The following WIF1 variants were observed in gnomAD, a reference collection of about 807,000 sequenced individuals.
WIF1 encodes the protein Wnt inhibitory factor 1.
Under a neutral mutation model 53.5 loss-of-function variants are expected in WIF1, and 35 were observed. That is an observed-to-expected ratio of 0.65 (90% confidence interval 0.50 to 0.87). The LOEUF is 0.87. Ranked by LOEUF, WIF1 falls within the 40% of genes least tolerant of loss-of-function variation. The pLI is 0.00. For missense variants in WIF1, 467 were observed against 476.8 expected (o/e 0.98, Z 0.19); for synonymous variants, 171 against 170.4 (o/e 1.00, Z -0.03).
intron 3 of WIF1, among the ~76,000 whole-genome samples, chr12:65,069,961 T>A (rs1382553562): frequency 1.3e-5 from 2 of 152,200 alleles, no homozygotes; most frequent in African/African-American, 4.8e-5. Context: ...TACATGTGAT[T>A]TTTTGCTTCA....
intron 7 of WIF1, among the ~76,000 whole-genome samples, chr12:65,059,482 T>A (rs1423769546): frequency 1.3e-5 from 2 of 152,162 alleles, no homozygotes; most frequent in African/African-American, 4.8e-5. Flanking sequence ...ATAATTTGGG[T>A]AGTCTTTTTA....
intron 3 of WIF1, among the ~76,000 whole-genome samples, chr12:65,077,339 C>T (rs970214872): frequency 6.8e-6 from 1 of 146,770 alleles, no homozygotes; most frequent in African/African-American, 2.5e-5. Context: ...TAATACAATG[C>T]TAACTTTTGG....
At chr12:65,065,516 A>C (rs1431194787) in intron 6 of WIF1, among the ~76,000 whole-genome samples, 2 of 152,170 alleles carry the variant, frequency 1.3e-5, no homozygotes, top group Non-Finnish European at 2.9e-5. Flanking sequence ...ATAAAAGAGT[A>C]AACAACCTTA....
At position 65,072,454 on chromosome 12, in the gene WIF1, T is replaced by C. The variant is rs1882798856; in HGVS notation, c.398-3550A>G. Among the ~76,000 whole-genome samples the C allele has an allele frequency of 2.6e-5, 4 of 152,356 alleles. No homozygotes were observed. The South Asian group carries it at 8.3e-4, about 32-fold the overall frequency. On this transcript the variant is annotated intron_variant, in intron 3 of 9. Coordinates refer to ENST00000286574, the MANE Select transcript of WIF1 (RefSeq NM_007191.5). ...TATGGTTTGCATCCTTTGTTAAGGA[T>C]GAGAATTCTCAAAGGCAAGAACTAT...
At chr12:65,099,117 T>C (rs1883244373) in intron 2 of WIF1, among the ~76,000 whole-genome samples, 3 of 152,176 alleles carry the variant, frequency 2.0e-5, no homozygotes, top group African/African-American at 7.2e-5. Context: ...CCCAGCATAA[T>C]TGTTCTGTGC....
At chr12:65,095,502 G>A (rs547230955) in intron 2 of WIF1, among the ~76,000 whole-genome samples, 40 of 152,220 alleles carry the variant, frequency 2.6e-4, no homozygotes, top group African/African-American at 9.1e-4. Flanking sequence ...CCTAGAGGCA[G>A]ATATGATAAC....
chr12:65,112,017 T>C (rs1883439073), intron 2 of WIF1, among the ~76,000 whole-genome samples: 1 of 152,230 alleles, frequency 6.6e-6, no homozygotes, highest in Admixed American at 6.5e-5. Context: ...TCCATATGTC[T>C]AGCTGAGAAA....
At chr12:65,113,467 G>A (rs906575055) in intron 2 of WIF1, among the ~76,000 whole-genome samples, 4 of 152,144 alleles carry the variant, frequency 2.6e-5, no homozygotes, top group African/African-American at 9.7e-5. Flanking sequence ...CCAGCAGAGG[G>A]TTTGTTTATG....
intron 2 of WIF1, among the ~76,000 whole-genome samples, chr12:65,084,731 A>G (rs1006317300): frequency 1.3e-5 from 2 of 152,222 alleles, no homozygotes; most frequent in African/African-American, 4.8e-5. Context: ...AGAGGCATCC[A>G]GAAGTGTAAA....
intron 2 of WIF1, among the ~76,000 whole-genome samples, chr12:65,119,329 A>C (rs976536230): frequency 5.9e-5 from 9 of 152,048 alleles, no homozygotes; most frequent in Middle Eastern, 3.4e-3. Context: ...CAAAACCTCA[A>C]TTTTTTTTAA....
chr12:65,118,349 G>T (rs937797719), intron 2 of WIF1, among the ~76,000 whole-genome samples: 1 of 152,112 alleles, frequency 6.6e-6, no homozygotes, highest in African/African-American at 2.4e-5. Flanking sequence ...AAATTATGGT[G>T]CTGGGATCAC....
At chr12:65,058,554 G>A (rs1398062636) in intron 7 of WIF1, among the ~76,000 whole-genome samples, 1 of 152,162 alleles carries the variant, frequency 6.6e-6, no homozygotes, top group Non-Finnish European at 1.5e-5. Context: ...TGCAGGAGAC[G>A]TTAGACATTC....
chr12:65,094,085 A>G (rs540161227), intron 2 of WIF1, among the ~76,000 whole-genome samples: 8 of 152,290 alleles, frequency 5.3e-5, no homozygotes, highest in Admixed American at 4.6e-4. Context: ...CCCCAAACAT[A>G]GCCGCTGAAC....
intron 7 of WIF1, among the ~76,000 whole-genome samples, chr12:65,061,723 T>G (rs1416119636): frequency 1.3e-5 from 2 of 152,252 alleles, no homozygotes; most frequent in Non-Finnish European, 2.9e-5. Context: ...AAAGGCATAG[T>G]GTGTACCAAT....
chr12:65,063,067 TG>T (rs1390315034), intron 6 of WIF1, among the ~76,000 whole-genome samples: 1 of 152,176 alleles, frequency 6.6e-6, no homozygotes, highest in Non-Finnish European at 1.5e-5. Flanking sequence ...TTATTGAGAT[TG>T]TTTTTTAAAA....
chr12:65,078,871 A>G (rs1051815654), intron 2 of WIF1, among the ~76,000 whole-genome samples: 3 of 152,142 alleles, frequency 2.0e-5, no homozygotes, highest in Admixed American at 1.3e-4. Flanking sequence ...GATTATTAAA[A>G]GGGTTTGTGA....
chr12:65,051,390 C>G lies in WIF1; in HGVS notation c.1099G>C (p.Glu367Gln). 3.1e-6 allele frequency: 5 copies of G among 1,613,958 alleles called. No individual in the cohort carries two copies. The highest frequency in any genetic ancestry group is 1.7e-4 in the Middle Eastern group (1 of 6,058). The change falls in exon 10 of 10, where the codon GAG becomes CAG. Residue 367 changes from glutamate to glutamine, a missense_variant. By Grantham distance (29) the Glu-to-Gln change is conservative. Coordinates refer to ENST00000286574, the MANE Select transcript of WIF1 (RefSeq NM_007191.5). ...GATTCAGGTGGATCCCGCCGCTCCT[C>G]GGCCTTTTTAAGTGAAGGCGTGTGC... ...RQHTPSLKKA[E>Q]ERRDPPESNY...
At chr12:65,092,490 G>A (rs1292785717) in intron 2 of WIF1, among the ~76,000 whole-genome samples, 1 of 66,246 alleles carries the variant, frequency 1.5e-5, no homozygotes, top group Non-Finnish European at 2.9e-5. Context: ...GTATATATAT[G>A]TGTGTATATA....
At chr12:65,095,146 C>A (rs990476591) in intron 2 of WIF1, among the ~76,000 whole-genome samples, 1 of 150,474 alleles carries the variant, frequency 6.6e-6, no homozygotes, top group Non-Finnish European at 1.5e-5. Context: ...TACTATGTTG[C>A]CCAAGCTGGT....
Sources: allele counts gnomAD v4.1 joint callset (sites outside exome capture counted in the v4.1 genomes callset), GRCh38; gene constraint gnomAD v4.1.1; transcripts MANE v1.5; gene names NCBI Gene and HGNC (gene_info 2026-07-23, HGNC 2026-07-21).